Variants in DLC1 observed in about 807,000 individuals in gnomAD.
The protein encoded by DLC1 is rho GTPase-activating protein 7.
In DLC1, 54 loss-of-function variants were observed where a neutral mutation model predicts 140.3. The observed-to-expected ratio is 0.38, with a 90% CI of 0.31 to 0.48. The LOEUF (loss-of-function observed/expected upper bound fraction) is 0.48. Ranked by LOEUF, DLC1 falls within the 20% of genes least tolerant of loss-of-function variation. DLC1 has a pLI of 0.96. For missense variants in DLC1, 2,536 were observed against 1,907.0 expected (o/e 1.33, Z -6.14); for synonymous variants, 986 against 728.1 (o/e 1.35, Z -5.70).
At chr8:13,405,783 CTCTTT>C (rs768636412) in intron 2 of DLC1, among the ~76,000 whole-genome samples, 9 of 151,704 alleles carry the variant, frequency 5.9e-5, no homozygotes, top group Non-Finnish European at 8.8e-5. Context: ...TCGTCTTGCC[CTCTTT>C]TCTTCTCTTT....
intron 1 of DLC1, chr8:13,567,078 T>C: frequency 1.3e-6 from 2 of 1,551,744 alleles, no homozygotes; most frequent in Non-Finnish European, 1.7e-6. Context: ...AGAACTCTAC[T>C]GATGAGGTAC....
At chr8:13,345,126 A>G (rs1039763312) in intron 4 of DLC1, among the ~76,000 whole-genome samples, 3 of 152,248 alleles carry the variant, frequency 2.0e-5, no homozygotes, top group African/African-American at 7.2e-5. Flanking sequence ...CTTTGGGTGG[A>G]GACTCATTTG....
intron 5 of DLC1, among the ~76,000 whole-genome samples, chr8:13,174,703 A>C (rs1825667976): frequency 6.6e-6 from 1 of 151,814 alleles, no homozygotes; most frequent in African/African-American, 2.4e-5. Flanking sequence ...CCCACTTTTT[A>C]CTGGGGTTGT....
intron 2 of DLC1, among the ~76,000 whole-genome samples, chr8:13,408,941 C>T (rs938503415): frequency 6.6e-6 from 1 of 152,048 alleles, no homozygotes; most frequent in Non-Finnish European, 1.5e-5. Context: ...TTATGATGAT[C>T]CTTCCTTTGC....
intron 2 of DLC1, among the ~76,000 whole-genome samples, chr8:13,406,164 C>T (rs1433018431): frequency 1.7e-5 from 2 of 115,518 alleles, no homozygotes; most frequent in Admixed American, 1.7e-4. Context: ...CTGCCACCAT[C>T]CCCAGCTAAT....
intron 1 of DLC1, among the ~76,000 whole-genome samples, chr8:13,508,114 C>T (rs1334369048): frequency 6.6e-6 from 1 of 152,180 alleles, no homozygotes; most frequent in Admixed American, 6.5e-5. Flanking sequence ...CAGCGGTGCT[C>T]TATTTTTACG....
chr8:13,598,942 T>A lies in DLC1; in HGVS notation c.-126+5595A>T, dbSNP rs1483886591. 4.0e-5 allele frequency among the ~76,000 whole-genome samples: 6 copies of A among 151,858 alleles called. No individual in the cohort carries two copies. In the South Asian group the frequency reaches 1.2e-3, roughly 31 times the overall value. On this transcript the variant is annotated intron_variant, in intron 1 of 1. Coordinates refer to the DLC1 transcript ENST00000631382. ...TAAAAAAATGAAATTGTATATGTAA[T>A]ATACAATTTAAAATAACCTATAGTT...
At chr8:13,224,890 T>TA (rs1214909854) in intron 5 of DLC1, among the ~76,000 whole-genome samples, 3 of 152,140 alleles carry the variant, frequency 2.0e-5, no homozygotes, top group South Asian at 2.1e-4. Context: ...AGGGCAGAAC[T>TA]AAAAAAATTG....
At chr8:13,361,364 C>T (rs1487194121) in intron 4 of DLC1, among the ~76,000 whole-genome samples, 3 of 151,974 alleles carry the variant, frequency 2.0e-5, no homozygotes, top group Non-Finnish European at 4.4e-5. Context: ...AAGCAATCCT[C>T]CTGACTCAAC....
intron 1 of DLC1, among the ~76,000 whole-genome samples, chr8:13,569,240 C>G (rs1268449253): frequency 6.6e-6 from 1 of 152,212 alleles, no homozygotes; most frequent in Middle Eastern, 3.4e-3. Context: ...TCTACATGTC[C>G]AACACCTGAA....
intron 4 of DLC1, 49 bp from the exon 5 acceptor site, chr8:13,305,351 GA>G: frequency 1.3e-6 from 2 of 1,523,288 alleles, no homozygotes; most frequent in African/African-American, 1.4e-5. Context: ...AGAAACATCA[GA>G]AAGCATCATT....
intron 2 of DLC1, among the ~76,000 whole-genome samples, chr8:13,402,620 T>G (rs1837347669): frequency 2.0e-5 from 3 of 152,210 alleles, no homozygotes; most frequent in African/African-American, 7.2e-5. Flanking sequence ...AAATCAGCTT[T>G]AAAAGGACCA....
chr8:13,297,283 A>AAAAAAAAAAAAAAAAAAAAAAAAAC (rs1381966745), intron 5 of DLC1, among the ~76,000 whole-genome samples: 1 of 92,108 alleles, frequency 1.1e-5, no homozygotes, highest in African/African-American at 3.9e-5. Flanking sequence ...TTCATACATT[A>AAAAAAAAAAAAAAAAAAAAAAAAAC]AAAAAAAAAA....
At chr8:13,285,426 G>C (rs575727161) in intron 5 of DLC1, among the ~76,000 whole-genome samples, 1 of 152,282 alleles carries the variant, frequency 6.6e-6, no homozygotes, top group Non-Finnish European at 1.5e-5. Context: ...AGACCTAAAT[G>C]TAGGAGTAAA....
At chr8:13,219,991 G>A (rs1227229319) in intron 5 of DLC1, among the ~76,000 whole-genome samples, 1 of 152,128 alleles carries the variant, frequency 6.6e-6, no homozygotes, top group Non-Finnish European at 1.5e-5. Flanking sequence ...GACACAGAAA[G>A]CAGATTAGTG....
intron 2 of DLC1, among the ~76,000 whole-genome samples, chr8:13,431,934 A>C (rs1182069331): frequency 3.3e-5 from 5 of 152,170 alleles, no homozygotes; most frequent in Non-Finnish European, 7.3e-5. Context: ...CAAAGAAAGA[A>C]ATATTTTTCT....
chr8:13,525,409 C>T (rs1301990986), intron 1 of DLC1, among the ~76,000 whole-genome samples: 1 of 152,118 alleles, frequency 6.6e-6, no homozygotes, highest in East Asian at 1.9e-4. Context: ...CTTTAACTCT[C>T]TAACTGTTTT....
intron 4 of DLC1, among the ~76,000 whole-genome samples, chr8:13,312,372 A>AT (rs1832706181): frequency 1.8e-5 from 2 of 112,998 alleles, no homozygotes; most frequent in East Asian, 2.2e-4. Context: ...AAAAAAAAAA[A>AT]AAAAAAAAAA....
chr8:13,164,519 C>G (rs762099501), intron 5 of DLC1, among the ~76,000 whole-genome samples: 4 of 152,070 alleles, frequency 2.6e-5, no homozygotes, highest in Admixed American at 6.5e-5. Flanking sequence ...CTCTCATCTT[C>G]CTGATGTTCC....
Sources: allele counts gnomAD v4.1 joint callset (sites outside exome capture counted in the v4.1 genomes callset), GRCh38; gene constraint gnomAD v4.1.1; transcripts MANE v1.5; gene names NCBI Gene and HGNC (gene_info 2026-07-23, HGNC 2026-07-21).